Variants in SKAP2 observed in about 807,000 individuals in gnomAD.
The protein encoded by SKAP2 is src kinase-associated phosphoprotein 2.
A neutral mutation model predicts 54.9 loss-of-function variants in SKAP2; 28 were observed. The ratio of observed to expected loss-of-function variants is 0.51; its 90% CI spans 0.38 to 0.70. The LOEUF is 0.70. Ranked by LOEUF, SKAP2 falls within the 30% of genes least tolerant of loss-of-function variation. SKAP2 has a pLI of 0.00. For synonymous variants in SKAP2, 137 were observed against 134.3 expected (o/e 1.02, Z -0.14); for missense variants, 356 against 424.1 (o/e 0.84, Z 1.41).
chr7:26,798,552 A>C (rs1486193971), intron 4 of SKAP2, among the ~76,000 whole-genome samples: 4 of 152,162 alleles, frequency 2.6e-5, no homozygotes, highest in Non-Finnish European at 5.9e-5. Flanking sequence ...ATTAATGAGC[A>C]ATAAGTAATC....
chr7:26,801,921 A>G (rs752956486), intron 4 of SKAP2, among the ~76,000 whole-genome samples: 2 of 152,174 alleles, frequency 1.3e-5, no homozygotes, highest in Non-Finnish European at 2.9e-5. Flanking sequence ...TACAATGTCC[A>G]TATTACCCAA....
chr7:26,664,021 T>C (rs1459800968), downstream of SKAP2, among the ~76,000 whole-genome samples: 3 of 152,182 alleles, frequency 2.0e-5, no homozygotes, highest in African/African-American at 7.2e-5. Flanking sequence ...TCAGATTATT[T>C]TCTAGAAATG....
chr7:26,718,406 A>T (rs1378397786), intron 9 of SKAP2, among the ~76,000 whole-genome samples: 2 of 152,110 alleles, frequency 1.3e-5, no homozygotes, highest in African/African-American at 4.8e-5. Context: ...GTATATTTAA[A>T]AATAGGCAAA....
intron 4 of SKAP2, among the ~76,000 whole-genome samples, chr7:26,785,563 GC>G (rs1324310282): frequency 6.6e-6 from 1 of 152,046 alleles, no homozygotes; most frequent in Non-Finnish European, 1.5e-5. Context: ...ATAAATGGAG[GC>G]CCACAGAGCA....
the SKAP2 span, among the ~76,000 whole-genome samples, chr7:26,661,568 A>G: frequency 6.6e-6 from 1 of 152,198 alleles, no homozygotes; most frequent in African/African-American, 2.4e-5. Context: ...CAGAAGTAAC[A>G]TCTCTGTGAT....
Position 26,670,122 on chromosome 7 carries a change from A to G in SKAP2, c.1058T>C (p.Ile353Thr). 4 of 1,532,942 alleles carry G rather than the reference A, an allele frequency of 2.6e-6. No individual in the cohort carries two copies. The highest frequency in any genetic ancestry group is 3.6e-6 in the Non-Finnish European group (4 of 1,106,122). The allele number at this position is 1,532,942 out of a possible 1,614,324, so 95.0% of individuals were successfully genotyped here. A position where few individuals can be genotyped will look rare whatever the true frequency, so the allele number is the denominator to read the frequency against. ...CTCTCAAATATCATACATCTCCATT[A>G]TGTAGGCTTTAGGCACCAAGCCAAT... ...GAIGLVPKAY[I>T]MEMYDI Residue 353 changes from isoleucine (I) to threonine (T), a missense_variant, in exon 12 of 13, where the codon ATA becomes ACA. Coordinates refer to ENST00000345317, the MANE Select transcript of SKAP2 (RefSeq NM_003930.5).
rs375509506 is a variant in SKAP2, at chr7:26,674,123, C to T, written c.988-3931G>A. On this transcript the variant is annotated intron_variant, in intron 11 of 12. Transcript: ENST00000345317. ...ACTAACCCTTTCAGAAATTAGTTAC[C>T]GATGTGTTTGAAAGCAACAGGTGTT... 3.9e-4 allele frequency among the ~76,000 whole-genome samples: 60 copies of T among 152,042 alleles called. 1 individual carries two copies. In the East Asian group the frequency reaches 6.9e-3, roughly 18 times the overall value.
At chr7:26,805,211 C>T (rs763239161) in intron 4 of SKAP2, among the ~76,000 whole-genome samples, 2 of 152,048 alleles carry the variant, frequency 1.3e-5, no homozygotes, top group Non-Finnish European at 2.9e-5. Context: ...AATTTTTAAT[C>T]AGATTATGAA....
chr7:26,752,025 G>A (rs1562597307), intron 4 of SKAP2, among the ~76,000 whole-genome samples: 1 of 152,078 alleles, frequency 6.6e-6, no homozygotes, highest in African/African-American at 2.4e-5. Flanking sequence ...AACTCTTTGT[G>A]TTATTCTCGC....
At chr7:26,848,599 A>C (rs1030228365) in intron 3 of SKAP2, among the ~76,000 whole-genome samples, 17 of 152,198 alleles carry the variant, frequency 1.1e-4, no homozygotes, top group Admixed American at 3.3e-4. Flanking sequence ...GATAAGGGAT[A>C]CTACTAAACC....
intron 4 of SKAP2, among the ~76,000 whole-genome samples, chr7:26,796,096 A>G (rs1783772090): frequency 6.6e-6 from 1 of 152,260 alleles, no homozygotes; most frequent in Non-Finnish European, 1.5e-5. Context: ...TTACCACCAT[A>G]AAACATACAA....
At chr7:26,831,672 C>T (rs1422393553) in intron 4 of SKAP2, among the ~76,000 whole-genome samples, 2 of 152,046 alleles carry the variant, frequency 1.3e-5, no homozygotes, top group Non-Finnish European at 2.9e-5. Context: ...CTATTATTAT[C>T]CTTAATTTGA....
intron 10 of SKAP2, 43 bp downstream of exon 10, chr7:26,690,242 A>C: frequency 2.2e-6 from 3 of 1,361,854 alleles, no homozygotes; most frequent in Non-Finnish European, 3.2e-6. Context: ...GAAAGTGAAC[A>C]AAAGCAAAAT....
chr7:26,793,644 A>C (rs539244013), intron 4 of SKAP2, among the ~76,000 whole-genome samples: 2 of 152,236 alleles, frequency 1.3e-5, no homozygotes, highest in Non-Finnish European at 2.9e-5. Flanking sequence ...CTAAGTTATA[A>C]AAGCACCACC....
intron 4 of SKAP2, among the ~76,000 whole-genome samples, chr7:26,750,313 C>CTT (rs70946231): frequency 0.052 from 7,019 of 134,878 alleles, 704 homozygotes; most frequent in African/African-American, 0.18. Flanking sequence ...ATATACCATA[C>CTT]TTTTTTTTTT....
chr7:26,769,233 G>T (rs1482464550), intron 4 of SKAP2, among the ~76,000 whole-genome samples: 3 of 151,992 alleles, frequency 2.0e-5, no homozygotes, highest in Non-Finnish European at 4.4e-5. Flanking sequence ...ACTTTCTTCT[G>T]CTTAATCGAT....
chr7:26,860,680 G>A (rs1289358637), intron 1 of SKAP2, among the ~76,000 whole-genome samples: 1 of 151,686 alleles, frequency 6.6e-6, no homozygotes, highest in African/African-American at 2.4e-5. Context: ...ATTATAAATG[G>A]AACTTTGGAA....
chr7:26,766,189 G>C (rs9648330), intron 4 of SKAP2, among the ~76,000 whole-genome samples: 65,245 of 151,778 alleles, frequency 0.43, 14,444 homozygotes, highest in Middle Eastern at 0.49. Context: ...TCCTTCACAT[G>C]CCTTGTAAGT....
At chr7:26,862,488 T>C (rs1243084356) in intron 1 of SKAP2, among the ~76,000 whole-genome samples, 1 of 152,074 alleles carries the variant, frequency 6.6e-6, no homozygotes, top group East Asian at 1.9e-4. Context: ...TGTTTTAATA[T>C]GTGATTTGCT....
Sources: allele counts gnomAD v4.1 joint callset (sites outside exome capture counted in the v4.1 genomes callset), GRCh38; gene constraint gnomAD v4.1.1; transcripts MANE v1.5; gene names NCBI Gene and HGNC (gene_info 2026-07-23, HGNC 2026-07-21).